Variants in CCSER1 observed in about 807,000 individuals in gnomAD.
The protein encoded by CCSER1 is coiled-coil serine rich protein 1.
CCSER1 carries 41 observed loss-of-function variants against 82.0 expected under a neutral mutation model. The observed-to-expected ratio is 0.50, with a 90% CI of 0.39 to 0.65. The LOEUF (loss-of-function observed/expected upper bound fraction) is 0.65, where lower values mean the gene tolerates loss of function less well. CCSER1 is among the 30% of genes least tolerant of loss of function. The pLI, the probability that CCSER1 is intolerant of heterozygous loss-of-function variation, is 0.00. For missense variants in CCSER1, 1,119 were observed against 1,064.2 expected, an observed-to-expected ratio of 1.05 and a Z score of -0.72; for synonymous variants, 414 against 383.9, an observed-to-expected ratio of 1.08 and a Z score of -0.92.
In CCSER1 at chr4:90,630,154, A is replaced by G. The variant is rs1315995340; in HGVS notation, c.1932+1922A>G. On this transcript the variant is annotated intron_variant, in intron 6 of 10. Transcript: ENST00000509176. The stretch of plus-strand genomic sequence containing the variant: ...AACTGTATGATTCTATACTGACAAC[A>G]TAAATATTTGCCTGCAAATGAATAG... Among the ~76,000 whole-genome samples the G allele has an allele frequency of 3.3e-5, 5 of 152,210 alleles. No individual in the cohort carries two copies. In the South Asian group the frequency reaches 6.2e-4, roughly 19 times the overall value.
At chr4:90,140,133 G>T (rs529653125) in intron 1 of CCSER1, among the ~76,000 whole-genome samples, 4 of 152,214 alleles carry the variant, frequency 2.6e-5, no homozygotes, top group Non-Finnish European at 4.4e-5. Context: ...AGCCACTTGT[G>T]CTATTTTCTA....
chr4:90,620,379 A>C (rs1300747044), intron 5 of CCSER1, among the ~76,000 whole-genome samples: 1 of 152,150 alleles, frequency 6.6e-6, no homozygotes, highest in Non-Finnish European at 1.5e-5. Context: ...GCTTTCCTAT[A>C]TATTAAATGG....
At chr4:91,581,093 G>A (rs1273650777) in intron 10 of CCSER1, among the ~76,000 whole-genome samples, 1 of 151,442 alleles carries the variant, frequency 6.6e-6, no homozygotes, top group East Asian at 1.9e-4. Context: ...AGACCTCCTG[G>A]ACAATTGTAT....
chr4:90,800,800 T>A (rs879212131), intron 7 of CCSER1, among the ~76,000 whole-genome samples: 1 of 152,206 alleles, frequency 6.6e-6, no homozygotes, highest in Admixed American at 6.5e-5. Flanking sequence ...GAAATTTGGT[T>A]CTCATTCTTC....
chr4:91,130,054 A>G (rs986620419), intron 10 of CCSER1: 6 of 151,966 alleles, frequency 3.9e-5, no homozygotes, highest in Admixed American at 3.3e-4. Flanking sequence ...ATTTTAATAT[A>G]CAATTTTAAA....
At chr4:90,841,521 T>G (rs941065128) in intron 8 of CCSER1, among the ~76,000 whole-genome samples, 16 of 138,840 alleles carry the variant, frequency 1.2e-4, no homozygotes, top group Non-Finnish European at 2.1e-4. Context: ...GAGCTTGCAG[T>G]GAGCCGAGAT....
intron 10 of CCSER1, among the ~76,000 whole-genome samples, chr4:91,551,598 A>G (rs1016471319): frequency 6.6e-6 from 1 of 151,594 alleles, no homozygotes; most frequent in Non-Finnish European, 1.5e-5. Context: ...TAGGCTCTAA[A>G]TGTTCCTTAA....
chr4:91,552,251 AATGT>A (rs1332626060), intron 10 of CCSER1, among the ~76,000 whole-genome samples: 1 of 151,710 alleles, frequency 6.6e-6, no homozygotes, highest in African/African-American at 2.4e-5. Context: ...TAAGCTGATA[AATGT>A]AATGAATAAT....
At position 91,577,133 on chromosome 4, in the gene CCSER1, C is replaced by G. The variant is rs867745523; in HGVS notation, c.2218-21439C>G. Among the ~76,000 whole-genome samples, 70 of 152,022 alleles carry G rather than the reference C, an allele frequency of 4.6e-4. 1 individual carries two copies. In the Middle Eastern group the frequency reaches 0.017, roughly 37 times the overall value. ...GTACGTTAAAATGATCTATAGAAAC[C>G]TGATATTAACACAGGCCTTTATATC... On this transcript the variant is annotated intron_variant, in intron 10 of 10. Coordinates refer to ENST00000509176, the MANE Select transcript of CCSER1 (RefSeq NM_001145065.2).
chr4:90,297,400 C>T (rs1171488032), intron 1 of CCSER1, among the ~76,000 whole-genome samples: 14 of 151,824 alleles, frequency 9.2e-5, no homozygotes, highest in Non-Finnish European at 1.9e-4. Flanking sequence ...TGGGCTGAGA[C>T]AGTGGGGTTT....
intron 10 of CCSER1, among the ~76,000 whole-genome samples, chr4:91,115,806 C>CTTTTTT (rs527629667): frequency 6.4e-4 from 65 of 101,508 alleles, no homozygotes; most frequent in Non-Finnish European, 7.8e-4. Context: ...CTAGCTTTTT[C>CTTTTTT]TTTTTTTTTT....
intron 7 of CCSER1, among the ~76,000 whole-genome samples, chr4:90,736,456 A>G (rs1283367213): frequency 6.6e-6 from 1 of 152,108 alleles, no homozygotes; most frequent in Non-Finnish European, 1.5e-5. Flanking sequence ...TCATTATATA[A>G]TGACCTTCTT....
chr4:91,125,420 C>T (rs1311372865), intron 10 of CCSER1, among the ~76,000 whole-genome samples: 2 of 151,646 alleles, frequency 1.3e-5, no homozygotes, highest in African/African-American at 4.8e-5. Flanking sequence ...ATTTATCCCT[C>T]ATTAGAGATC....
At chr4:91,093,215 CT>C (rs1428517848) in intron 10 of CCSER1, among the ~76,000 whole-genome samples, 2 of 152,180 alleles carry the variant, frequency 1.3e-5, no homozygotes, top group Non-Finnish European at 2.9e-5. Context: ...TCCTGCGCAT[CT>C]TTCTCCTCGT....
At chr4:90,755,349 A>G (rs1006201105) in intron 7 of CCSER1, among the ~76,000 whole-genome samples, 2 of 152,174 alleles carry the variant, frequency 1.3e-5, no homozygotes, top group Non-Finnish European at 2.9e-5. Flanking sequence ...TATTTCCATT[A>G]CAGCTCCCAC....
At chr4:91,075,823 G>A (rs1721935441) in intron 9 of CCSER1, among the ~76,000 whole-genome samples, 1 of 151,936 alleles carries the variant, frequency 6.6e-6, no homozygotes, top group South Asian at 2.1e-4. Context: ...AGTTAGTTGG[G>A]GTGATATTAC....
At position 90,326,128 on chromosome 4, in the gene CCSER1, G is replaced by C. The variant is rs890758644; in HGVS notation, c.1509+13081G>C. On this transcript the variant is annotated intron_variant, in intron 3 of 10. Transcript: ENST00000509176. ...GGCTGGAGTGCAGTGGCGCAATCTC[G>C]GCTCACTGCAAGCTCCGCCTCCCAG... 3.6e-5 allele frequency among the ~76,000 whole-genome samples: 5 copies of C among 139,694 alleles called. No homozygotes were observed. In the South Asian group the frequency reaches 8.9e-4, roughly 25 times the overall value. 91.6% of individuals were successfully genotyped at this position (139,694 alleles called of 152,430 possible).
intron 9 of CCSER1, among the ~76,000 whole-genome samples, chr4:91,015,812 T>G (rs944390691): frequency 6.6e-6 from 1 of 152,000 alleles, no homozygotes; most frequent in Non-Finnish European, 1.5e-5. Context: ...CCTGAAAAGA[T>G]TCATATTCAG....
rs184821316 is a variant in CCSER1 at position 91,554,109 on chromosome 4, G to A, written c.2218-44463G>A. Among the ~76,000 whole-genome samples, 529 of 151,554 alleles carry A rather than the reference G, an allele frequency of 3.5e-3. 4 individuals are homozygous for A. The highest frequency in any genetic ancestry group is 0.01 in the South Asian group (49 of 4,820). ...CTCATTTTCCTTAGTCTCAAGATAC[G>A]TATTGATTTTCCTTTTGATTTATCC... On this transcript the variant is annotated intron_variant, in intron 10 of 10. Transcript: ENST00000509176.
Sources: gnomAD v4.1 joint callset for allele counts (sites outside exome capture counted in the v4.1 genomes callset) on GRCh38, gnomAD v4.1.1 for gene constraint, MANE v1.5 for transcripts, NCBI Gene and HGNC (gene_info 2026-07-23, HGNC 2026-07-21) for gene names.